The following MYOM2 variants were observed in gnomAD, a reference collection of about 807,000 sequenced individuals.
MYOM2 encodes myomesin 2.
Under a neutral mutation model 187.6 loss-of-function variants are expected in MYOM2, and 254 were observed. That is an observed-to-expected ratio of 1.35 (90% CI 1.22 to 1.50). The LOEUF (loss-of-function observed/expected upper bound fraction) is 1.50, where lower values mean the gene tolerates loss of function less well. Ranked by LOEUF, MYOM2 falls within the 40% of genes most tolerant of loss-of-function variation. The pLI, the probability that MYOM2 is intolerant of heterozygous loss-of-function variation, is 0.00. For missense variants in MYOM2, 2,796 were observed against 1,924.0 expected (o/e 1.45, Z -8.48); for synonymous variants, 981 against 753.8 (o/e 1.30, Z -4.94).
intron 20 of MYOM2, among the ~76,000 whole-genome samples, chr8:2,101,432 C>A (rs1796706299): frequency 6.6e-6 from 1 of 152,222 alleles, no homozygotes; most frequent in African/African-American, 2.4e-5. Context: ...GCGTTTCCCT[C>A]TGTGTGAAAG....
rs1796644097 is a variant in MYOM2, at chr8:2,100,106, TTCTTTCTTTCCTTCCTTCC to T, written c.2441-768_2441-750del. 2.6e-3 allele frequency among the ~76,000 whole-genome samples: 256 copies of T among 99,232 alleles called. 4 individuals are homozygous for T. The highest frequency in any genetic ancestry group is 8.9e-3 in the African/African-American group (229 of 25,716). 65.1% of individuals were successfully genotyped at this position (99,232 alleles called of 152,430 possible). On this transcript the variant is annotated intron_variant, in intron 19 of 36. Coordinates refer to ENST00000262113, the MANE Select transcript of MYOM2 (RefSeq NM_003970.4). ...CTTCTTTCCTTCCTTCCTTCCTTCC[TTCTTTCTTTCCTTCCTTCC>T]TTCTTTCCTTCCTTCCTTCCTTCCT...
At chr8:2,049,133 C>T (rs1818402408) in intron 1 of MYOM2, among the ~76,000 whole-genome samples, 1 of 152,156 alleles carries the variant, frequency 6.6e-6, no homozygotes, top group Admixed American at 6.5e-5. Flanking sequence ...CGTTATATCC[C>T]TGGAGTAGAA....
At chr8:2,094,693 A>C (rs1318923885) in intron 17 of MYOM2, among the ~76,000 whole-genome samples, 2 of 152,210 alleles carry the variant, frequency 1.3e-5, no homozygotes, top group African/African-American at 4.8e-5. Flanking sequence ...TCTCTTTTCA[A>C]AATATGTGCT....
intron 21 of MYOM2, among the ~76,000 whole-genome samples, chr8:2,104,744 A>G (rs35064592): frequency 0.29 from 43,611 of 151,988 alleles, 6,515 homozygotes; most frequent in Admixed American, 0.35. Flanking sequence ...GCCCCACAAC[A>G]TGGTAGAGAA....
intron 32 of MYOM2, among the ~76,000 whole-genome samples, chr8:2,135,219 T>C (rs544476838): frequency 1.4e-4 from 21 of 152,300 alleles, no homozygotes; most frequent in African/African-American, 4.8e-4. Context: ...GAGAAACAAA[T>C]GTGCATACTA....
At chr8:2,134,246 C>G (rs558564666) in intron 32 of MYOM2, among the ~76,000 whole-genome samples, 3 of 152,214 alleles carry the variant, frequency 2.0e-5, no homozygotes, top group Admixed American at 1.3e-4. Flanking sequence ...GACAGTTCTT[C>G]AGGCTCTCCT....
chr8:2,125,854 C>T (rs553254110), intron 31 of MYOM2, among the ~76,000 whole-genome samples: 6 of 151,214 alleles, frequency 4.0e-5, no homozygotes, highest in South Asian at 4.2e-4. Flanking sequence ...GTGATCCGCC[C>T]GCCCGCCCAC....
chr8:2,095,624 C>G (rs1796453787), intron 17 of MYOM2, among the ~76,000 whole-genome samples: 1 of 152,144 alleles, frequency 6.6e-6, no homozygotes, highest in African/African-American at 2.4e-5. Context: ...TCACTTAATT[C>G]CAGTCACCTG....
chr8:2,140,655 G>C (rs941144848), intron 32 of MYOM2, 68 bp from the exon 33 acceptor site: 7 of 1,527,230 alleles, frequency 4.6e-6, no homozygotes, highest in Admixed American at 3.6e-5. Context: ...ACGGGACATT[G>C]CCCTGTAGAC....
chr8:2,073,533 T>C (rs764511898), intron 10 of MYOM2, 33 bp downstream of exon 10: 1 of 1,556,040 alleles, frequency 6.4e-7, no homozygotes, highest in South Asian at 1.2e-5. Flanking sequence ...GGTGCAGACC[T>C]TGTGTGTGCC....
At chr8:2,139,207 C>G (rs1798191103) in intron 32 of MYOM2, among the ~76,000 whole-genome samples, 2 of 152,200 alleles carry the variant, frequency 1.3e-5, no homozygotes, top group African/African-American at 4.8e-5. Flanking sequence ...GTGGTGTGAT[C>G]ACAGCTCACT....
At chr8:2,067,259 G>A (rs559287006) in intron 6 of MYOM2, among the ~76,000 whole-genome samples, 4 of 152,284 alleles carry the variant, frequency 2.6e-5, no homozygotes, top group Non-Finnish European at 5.9e-5. Flanking sequence ...TGGAGGCACT[G>A]GCTTCTTAAT....
In MYOM2 at chr8:2,129,112, T is replaced by C. The variant is rs1231762539; in HGVS notation, c.3695-15T>C. The C allele has an allele frequency of 6.3e-7, 1 of 1,587,600 alleles. No individual in the cohort carries two copies. The highest frequency in any genetic ancestry group is 1.7e-5 in the Admixed American group (1 of 59,820). On this transcript the variant is annotated splice_polypyrimidine_tract_variant and intron_variant, in intron 31 of 36. Coordinates refer to ENST00000262113, the MANE Select transcript of MYOM2 (RefSeq NM_003970.4). ...ACTCCTTTTCCTAGATCTGAGGATG[T>C]TTTATTTTCTGCAGGGAAATCTGCT...
At chr8:2,117,577 G>T (rs544477587) in intron 27 of MYOM2, among the ~76,000 whole-genome samples, 1 of 152,206 alleles carries the variant, frequency 6.6e-6, no homozygotes, top group Non-Finnish European at 1.5e-5. Flanking sequence ...CCTTTCTGAA[G>T]AGCAATAGAT....
intron 32 of MYOM2, among the ~76,000 whole-genome samples, chr8:2,130,217 G>A (rs189303080): frequency 0.14 from 12,392 of 90,956 alleles, 1,831 homozygotes; most frequent in African/African-American, 0.33. Flanking sequence ...GTTAACGCCC[G>A]TCAGTACCGT....
At position 2,129,131 on chromosome 8, in the gene MYOM2, A is replaced by G. The variant is rs753013712; in HGVS notation, c.3699A>G (p.Lys1233=). The change falls in exon 32 of 37, where the codon AAA becomes AAG. Residue 1233 remains lysine, a synonymous_variant. Coordinates refer to ENST00000262113, the MANE Select transcript of MYOM2 (RefSeq NM_003970.4). ...MILAMSRVCG[K]SASPLKVLCT... ...AGGATGTTTTATTTTCTGCAGGGAA[A>G]TCTGCTTCGCCACTGAAGGTACTCT... is the stretch of plus-strand genomic sequence containing the variant. 2 of 1,601,236 alleles carry G rather than the reference A, an allele frequency of 1.2e-6. No individual in the cohort carries two copies. The highest frequency in any genetic ancestry group is 8.6e-7 in the Non-Finnish European group (1 of 1,169,426).
In MYOM2 at chr8:2,076,598, C is replaced by G. The variant is rs547457043; in HGVS notation, c.1262+316C>G. ...CCCCGCGCTGTGGTTCTGCTGAGGT[C>G]CGGGCTGTGCCCCGTACCGGACAGG... On this transcript the variant is annotated intron_variant, in intron 11 of 36. Coordinates refer to ENST00000262113, the MANE Select transcript of MYOM2 (RefSeq NM_003970.4). The G allele has an allele frequency of 1.3e-4, 40 of 298,890 alleles. 1 individual carries two copies. The South Asian group carries it at 1.5e-3, about 11-fold the overall frequency. 18.5% of individuals were successfully genotyped at this position (298,890 alleles called of 1,614,324 possible). A position where few individuals can be genotyped will look rare whatever the true frequency, so the allele number is the denominator to read the frequency against.
intron 14 of MYOM2, 130 bp downstream of exon 14, chr8:2,085,520 C>CTACTGTCATGATCTCCACGTGGCCACA (rs1563444586): frequency 1.9e-6 from 1 of 532,014 alleles, no homozygotes; most frequent in African/African-American, 3.5e-5. Flanking sequence ...GCGTGGCCCC[C>CTACTGTCATGATCTCCACGTGGCCACA]CACTGTTGTG....
chr8:2,083,588 C>T (rs1819709271), intron 13 of MYOM2, among the ~76,000 whole-genome samples: 1 of 152,204 alleles, frequency 6.6e-6, no homozygotes, highest in African/African-American at 2.4e-5. Context: ...CTTACATGTG[C>T]CTAGTGGTGT....
Sources: gnomAD v4.1 joint callset for allele counts (sites outside exome capture counted in the v4.1 genomes callset) on GRCh38, gnomAD v4.1.1 for gene constraint, MANE v1.5 for transcripts, NCBI Gene and HGNC (gene_info 2026-07-23, HGNC 2026-07-21) for gene names.